Variants in FRRS1L observed in about 807,000 individuals in gnomAD.
FRRS1L encodes the protein ferric chelate reductase 1 like.
FRRS1L carries 22 observed loss-of-function variants against 28.6 expected under a neutral mutation model. The observed-to-expected ratio is 0.77, with a 90% CI of 0.55 to 1.10. The LOEUF (loss-of-function observed/expected upper bound fraction) is 1.10. FRRS1L is among the 50% of genes least tolerant of loss of function. The pLI is 0.00. For synonymous variants in FRRS1L, 158 were observed against 151.4 expected, an observed-to-expected ratio of 1.04 and a Z score of -0.32; for missense variants, 380 against 386.9, an observed-to-expected ratio of 0.98 and a Z score of 0.15.
At chr9:109,155,896 TA>T (rs1831397880) in intron 1 of FRRS1L, among the ~76,000 whole-genome samples, 1 of 145,082 alleles carries the variant, frequency 6.9e-6, no homozygotes, top group South Asian at 2.1e-4. Flanking sequence ...GTGAATATAC[TA>T]AAACCCACTG....
Position 109,137,247 on chromosome 9 carries a change from TGTAA to T in FRRS1L, c.*204_*207del. The T allele has an allele frequency of 3.0e-6, 1 of 334,012 alleles. No individual in the cohort carries two copies. Among genetic ancestry groups the T allele is most frequent in the South Asian group, 1.3e-4 (1 of 7,720 alleles). The allele number at this position is 334,012 out of a possible 1,614,324, so 20.7% of individuals were successfully genotyped here. A position where few individuals can be genotyped will look rare whatever the true frequency, so the allele number is the denominator to read the frequency against. On this transcript the variant is annotated 3_prime_UTR_variant, in exon 5 of 5. Transcript: ENST00000561981. ...CATATGTGAAAGTGCTTAGAAAAGG[TGTAA>T]GTATGTTCCAAAAGTATAGGGTCAT... is the stretch of plus-strand genomic sequence containing the variant.
intron 4 of FRRS1L, chr9:109,138,137 G>A (rs1831137639): frequency 1.3e-5 from 2 of 152,340 alleles, no homozygotes; most frequent in African/African-American, 4.8e-5. Flanking sequence ...CTCCTCTACT[G>A]TCTGTGGGAC....
intron 1 of FRRS1L, among the ~76,000 whole-genome samples, chr9:109,163,354 A>T (rs1279481390): frequency 6.6e-6 from 1 of 152,228 alleles, no homozygotes; most frequent in Admixed American, 6.5e-5. Context: ...CTGTGGAAGA[A>T]TATCTTCTGT....
At chr9:109,155,517 C>T (rs1831392680) in intron 1 of FRRS1L, among the ~76,000 whole-genome samples, 1 of 151,948 alleles carries the variant, frequency 6.6e-6, no homozygotes, top group Admixed American at 6.6e-5. Flanking sequence ...AGTTCGAGAC[C>T]AGCCTGGCCA....
chr9:109,141,957 G>GA (rs534039812), intron 3 of FRRS1L, among the ~76,000 whole-genome samples: 7,811 of 108,134 alleles, frequency 0.072, 270 homozygotes, highest in African/African-American at 0.13. Context: ...ACCAAAAAAA[G>GA]AAAAAAAAAA....
rs917854339 is a variant in FRRS1L at position 109,137,226 on chromosome 9, T to C, written c.*229A>G. On this transcript the variant is annotated 3_prime_UTR_variant, in exon 5 of 5. Transcript: ENST00000561981. The stretch of plus-strand genomic sequence containing the variant: ...TTGTGAAGTTAAATAAGAAAACATA[T>C]GTGAAAGTGCTTAGAAAAGGTGTAA... The C allele has an allele frequency of 3.6e-5, 10 of 280,734 alleles. No homozygotes were observed. Among genetic ancestry groups the C allele is most frequent in the Middle Eastern group, 1.0e-3 (1 of 962 alleles). 17.4% of individuals were successfully genotyped at this position (280,734 alleles called of 1,614,324 possible).
rs918582810 is a variant in FRRS1L, at chr9:109,130,615, TAAAAC to T, written c.*6835_*6839del. On this transcript the variant is annotated 3_prime_UTR_variant, in exon 5 of 5. Transcript: ENST00000561981. ...ACAAACATTAGGTACACAATTGTTA[TAAAAC>T]AAATATAACCTATCAATGTCTATGT... 7.9e-5 allele frequency: 12 copies of T among 152,226 alleles called. No homozygotes were observed. The highest frequency in any genetic ancestry group is 5.9e-4 in the Admixed American group (9 of 15,284). The allele number at this position is 152,226 out of a possible 1,614,324, so 9.4% of individuals were successfully genotyped here. A position where few individuals can be genotyped will look rare whatever the true frequency, so the allele number is the denominator to read the frequency against.
At chr9:109,152,796 T>G (rs1429265981) in intron 1 of FRRS1L, among the ~76,000 whole-genome samples, 4 of 72,230 alleles carry the variant, frequency 5.5e-5, no homozygotes, top group Non-Finnish European at 9.2e-5. Context: ...AGAGAGAGAC[T>G]CCATCTCAAA....
At position 109,151,095 on chromosome 9, in the gene FRRS1L, C is replaced by T. The variant is rs555845039; in HGVS notation, c.239-1375G>A. ...CAGGTCACACTTTTCTGGCACACTT[C>T]TGTGCACTCTGAATAGTCCATTTTT... On this transcript the variant is annotated intron_variant, in intron 1 of 4. Coordinates refer to ENST00000561981, the MANE Select transcript of FRRS1L (RefSeq NM_014334.4). The T allele has an allele frequency of 2.6e-5, 4 of 152,340 alleles. No homozygotes were observed. In the South Asian group the frequency reaches 6.2e-4, roughly 24 times the overall value. The allele number at this position is 152,340 out of a possible 1,614,324, so 9.4% of individuals were successfully genotyped here.
rs552471088 is a variant in FRRS1L, at chr9:109,134,746, C to T, written c.*2709G>A. The T allele has an allele frequency of 6.6e-6, 1 of 152,306 alleles. No homozygotes were observed. The highest frequency in any genetic ancestry group is 1.9e-4 in the East Asian group (1 of 5,182). 9.4% of individuals were successfully genotyped at this position (152,306 alleles called of 1,614,324 possible). A position where few individuals can be genotyped will look rare whatever the true frequency, so the allele number is the denominator to read the frequency against. ...CTGCATTCACTTCTTCCTTCCCTGC[C>T]TGCTACTAAGCTGAAGTCTCTCTTT... On this transcript the variant is annotated 3_prime_UTR_variant, in exon 5 of 5. Coordinates refer to ENST00000561981, the MANE Select transcript of FRRS1L (RefSeq NM_014334.4).
Position 109,137,041 on chromosome 9 carries a change from GA to G in FRRS1L, c.*413del, listed in dbSNP as rs1437965518. On this transcript the variant is annotated 3_prime_UTR_variant, in exon 5 of 5. Coordinates refer to ENST00000561981, the MANE Select transcript of FRRS1L (RefSeq NM_014334.4). ...TAGCACTCATAGTAAAGACTGTTTT[GA>G]GACATGATTTCTATACTTAGTTCCT... is the stretch of plus-strand genomic sequence containing the variant. The G allele has an allele frequency of 6.5e-6, 1 of 152,960 alleles. No homozygotes were observed. Among genetic ancestry groups the G allele is most frequent in the African/African-American group, 2.4e-5 (1 of 41,420 alleles). The allele number at this position is 152,960 out of a possible 1,614,324, so 9.5% of individuals were successfully genotyped here.
At chr9:109,145,080 G>A (rs1355924099) in intron 3 of FRRS1L, among the ~76,000 whole-genome samples, 1 of 152,202 alleles carries the variant, frequency 6.6e-6, no homozygotes, top group African/African-American at 2.4e-5. Context: ...AGAAGGGCGG[G>A]GTGCTCTAGG....
rs1831056161 is a variant in FRRS1L, at chr9:109,131,513, C to T, written c.*5942G>A. 1 of 152,186 alleles carries T rather than the reference C, an allele frequency of 6.6e-6. No individual in the cohort carries two copies. The highest frequency in any genetic ancestry group is 1.5e-5 in the Non-Finnish European group (1 of 68,030). The allele number at this position is 152,186 out of a possible 1,614,324, so 9.4% of individuals were successfully genotyped here. A position where few individuals can be genotyped will look rare whatever the true frequency, so the allele number is the denominator to read the frequency against. ...ATATTCAGGCCTTTGTGTATAAACA[C>T]ACACCATCATGTATGTACAAATATA... On this transcript the variant is annotated 3_prime_UTR_variant, in exon 5 of 5. Coordinates refer to ENST00000561981, the MANE Select transcript of FRRS1L (RefSeq NM_014334.4).
chr9:109,136,174 G>T lies in FRRS1L; in HGVS notation c.*1281C>A, dbSNP rs1831108499. ...TTGAACCTGGGAGGCGGAGGTTGCA[G>T]TGAAGCTGAGATCACACCATTGTAC... On this transcript the variant is annotated 3_prime_UTR_variant, in exon 5 of 5. Coordinates refer to ENST00000561981, the MANE Select transcript of FRRS1L (RefSeq NM_014334.4). 6.6e-6 allele frequency: 1 copy of T among 151,674 alleles called. No homozygotes were observed. Among genetic ancestry groups the T allele is most frequent in the Non-Finnish European group, 1.5e-5 (1 of 68,018 alleles). 9.4% of individuals were successfully genotyped at this position (151,674 alleles called of 1,614,324 possible).
chr9:109,147,367 G>A (rs1831276911), intron 2 of FRRS1L, 178 bp from the exon 3 acceptor site: 1 of 585,246 alleles, frequency 1.7e-6, no homozygotes, highest in Non-Finnish European at 3.0e-6. Context: ...GAGATGATCT[G>A]CCCCACTTTG....
chr9:109,166,038 C>G (rs1030803250), intron 1 of FRRS1L, among the ~76,000 whole-genome samples: 8 of 152,226 alleles, frequency 5.3e-5, no homozygotes, highest in African/African-American at 1.9e-4. Flanking sequence ...TACAGCTGAA[C>G]TTAATCCTAA....
chr9:109,144,058 C>G (rs533889619), intron 3 of FRRS1L, among the ~76,000 whole-genome samples: 1 of 152,126 alleles, frequency 6.6e-6, no homozygotes, highest in Non-Finnish European at 1.5e-5. Flanking sequence ...AGCCCTACCA[C>G]GAGTGCAAAT....
At chr9:109,166,154 C>T (rs1230830651) in intron 1 of FRRS1L, among the ~76,000 whole-genome samples, 1 of 152,214 alleles carries the variant, frequency 6.6e-6, no homozygotes, top group African/African-American at 2.4e-5. Flanking sequence ...AAAGTCACTA[C>T]TTCCCAAAGT....
intron 1 of FRRS1L, 178 bp from the exon 2 acceptor site, chr9:109,149,898 C>A (rs1233172421): frequency 1.0e-5 from 6 of 580,086 alleles, no homozygotes; most frequent in Non-Finnish European, 1.8e-5. Flanking sequence ...GGACACACAC[C>A]TTTGGACCTA....
Sources: gnomAD v4.1 joint callset for allele counts (sites outside exome capture counted in the v4.1 genomes callset) on GRCh38, gnomAD v4.1.1 for gene constraint, MANE v1.5 for transcripts, NCBI Gene and HGNC (gene_info 2026-07-23, HGNC 2026-07-21) for gene names.